Variants in NDST2 observed in about 807,000 individuals in gnomAD.
NDST2 encodes bifunctional heparan sulfate N-deacetylase/N-sulfotransferase 2.
Under a neutral mutation model 86.9 loss-of-function variants are expected in NDST2, and 32 were observed. The ratio of observed to expected loss-of-function variants is 0.37; its 90% CI spans 0.28 to 0.49. The LOEUF (loss-of-function observed/expected upper bound fraction) is 0.49. Among genes scored for constraint, NDST2 ranks in the 20% least tolerant of loss-of-function variants. NDST2 has a pLI of 0.97. For missense variants in NDST2, 950 were observed against 1,146.9 expected, an observed-to-expected ratio of 0.83 and a Z score of 2.48; for synonymous variants, 409 against 437.0, an observed-to-expected ratio of 0.94 and a Z score of 0.80.
chr10:73,804,970 G>C, intron 8 of NDST2, 101 bp from the exon 9 acceptor site: 1 of 601,122 alleles, frequency 1.7e-6, no homozygotes. Flanking sequence ...GCATGATCTC[G>C]GCTCACTGCA....
In NDST2 at chr10:73,806,197, G is replaced by T. The variant is rs547040412; in HGVS notation, c.1434+92C>A. The T allele has an allele frequency of 1.9e-6, 3 of 1,564,608 alleles. No individual in the cohort carries two copies. Among genetic ancestry groups the T allele is most frequent in the Non-Finnish European group, 2.6e-6 (3 of 1,139,840 alleles). On this transcript the variant is annotated intron_variant, in intron 6 of 14. Coordinates refer to ENST00000309979, the MANE Select transcript of NDST2 (RefSeq NM_003635.4). The surrounding 1 kb of genome is among the most constrained non-coding windows in gnomAD (Gnocchi z 4.5). ...CCCCAATTATGTACCCCCATACTTGGACTGGCAGTTGATAGAGAACATAGG... is the reference window on the plus strand; with the variant it reads ...CCCCAATTATGTACCCCCATACTTGTACTGGCAGTTGATAGAGAACATAGG...
In NDST2 at chr10:73,807,517, A is replaced by AG; in HGVS notation, c.871dup (p.Leu291ProfsTer5). On this transcript the variant is annotated frameshift_variant, in exon 3 of 15. Coordinates refer to ENST00000309979, the MANE Select transcript of NDST2 (RefSeq NM_003635.4). LOFTEE classifies it high-confidence loss of function. ...GTATGCAACAGCATCAACGAAGATA[A>AG]GTTTGTGGAGCCAGAAGGAAAGGCC... is the stretch of plus-strand genomic sequence containing the variant. 6.2e-7 allele frequency: 1 copy of AG among 1,614,210 alleles called. No homozygotes were observed. The highest frequency in any genetic ancestry group is 8.5e-7 in the Non-Finnish European group (1 of 1,180,034).
At position 73,806,502 on chromosome 10, in the gene NDST2, A is replaced by T; in HGVS notation, c.1249-28T>A. ...GGGAATGGCATAGACTCTCACCAGG[A>T]CCTGGTGAGGTTTGGGGAGTAGAGG... is the stretch of plus-strand genomic sequence containing the variant. On this transcript the variant is annotated intron_variant, in intron 5 of 14. Coordinates refer to ENST00000309979, the MANE Select transcript of NDST2 (RefSeq NM_003635.4). This position sits in a 1 kb window ranked among gnomAD's most constrained non-coding sequence, Gnocchi z 4.5. The T allele has an allele frequency of 1.3e-6, 2 of 1,560,666 alleles. No individual in the cohort carries two copies. The highest frequency in any genetic ancestry group is 1.7e-6 in the Non-Finnish European group (2 of 1,149,960).
In NDST2 at chr10:73,808,116, C is replaced by T; in HGVS notation, c.273G>A (p.Val91=). 1 of 1,614,226 alleles carries T rather than the reference C, an allele frequency of 6.2e-7. No individual in the cohort carries two copies. Among genetic ancestry groups the T allele is most frequent in the Non-Finnish European group, 8.5e-7 (1 of 1,180,042 alleles). Residue 91 remains valine (V), a synonymous_variant, in exon 3 of 15, where the codon GTG becomes GTA. Coordinates refer to ENST00000309979, the MANE Select transcript of NDST2 (RefSeq NM_003635.4). This position sits in a 1 kb window ranked among gnomAD's most constrained non-coding sequence, Gnocchi z 4.3. ...GCCCCAGCTGTGAGTATGCACTCTC[C>T]ACAAACACAAGGACCACGGGTTCAG... ...ARTEPVVLVF[V]ESAYSQLGQE...
chr10:73,808,445 A>G lies in NDST2; in HGVS notation c.-57T>C. 1 of 1,485,032 alleles carries G rather than the reference A, an allele frequency of 6.7e-7. No individual in the cohort carries two copies. The highest frequency in any genetic ancestry group is 9.1e-7 in the Non-Finnish European group (1 of 1,101,808). 92.0% of individuals were successfully genotyped at this position (1,485,032 alleles called of 1,614,324 possible). A position where few individuals can be genotyped will look rare whatever the true frequency, so the allele number is the denominator to read the frequency against. ...ACCACCTCAGGGGATGGGAGGTAGGAGTTCTATAGGCTAGGACTGTCTTGG... is the reference window on the plus strand; with the variant it reads ...ACCACCTCAGGGGATGGGAGGTAGGGGTTCTATAGGCTAGGACTGTCTTGG... On this transcript the variant is annotated 5_prime_UTR_variant, in exon 3 of 15. Coordinates refer to ENST00000309979, the MANE Select transcript of NDST2 (RefSeq NM_003635.4). The surrounding 1 kb of genome is among the most constrained non-coding windows in gnomAD (Gnocchi z 4.3).
In NDST2 at chr10:73,802,371, T is replaced by C. The variant is rs972206375; in HGVS notation, c.*80A>G. 14 of 1,563,542 alleles carry C rather than the reference T, an allele frequency of 9.0e-6. No homozygotes were observed. The Admixed American group carries it at 1.5e-4, about 17-fold the overall frequency. The stretch of plus-strand genomic sequence containing the variant: ...TAGAGGGGGAGGGGCCAGGCCACTC[T>C]AATCCCCCTTGTGGGCCCTGCTCTG... On this transcript the variant is annotated 3_prime_UTR_variant, in exon 15 of 15. Transcript: ENST00000309979.
At position 73,806,717 on chromosome 10, in the gene NDST2, G is replaced by C. The variant is rs775506030; in HGVS notation, c.1188C>G (p.His396Gln). 6.2e-7 allele frequency: 1 copy of C among 1,614,172 alleles called. No individual in the cohort carries two copies. The change falls in exon 5 of 15, where the codon CAC becomes CAG. Residue 396 changes from histidine to glutamine, a missense_variant. Physicochemically the swap from His to Gln is conservative, Grantham distance 24 (BLOSUM62 0). Coordinates refer to ENST00000309979, the MANE Select transcript of NDST2 (RefSeq NM_003635.4). The surrounding 1 kb of genome is among the most constrained non-coding windows in gnomAD (Gnocchi z 4.5). ...FPHMWSHMQP[H>Q]LFHNRSVLAD... ...CCAGCACGGAGCGATTGTGGAACAG[G>C]TGTGGCTGCATGTGGCTCCACATGT...
At position 73,802,183 on chromosome 10, in the gene NDST2, C is replaced by T. The variant is rs578141047; in HGVS notation, c.*268G>A. ...TTGGACTAATACATTCCCCTACACC[C>T]TGCCTGGACCCTCTCATTCCTCCCC... is the stretch of plus-strand genomic sequence containing the variant. On this transcript the variant is annotated 3_prime_UTR_variant, in exon 15 of 15. Transcript: ENST00000309979. 2.0e-4 allele frequency: 112 copies of T among 560,476 alleles called. No individual in the cohort carries two copies. The highest frequency in any genetic ancestry group is 3.2e-4 in the Non-Finnish European group (99 of 314,002). 34.7% of individuals were successfully genotyped at this position (560,476 alleles called of 1,614,324 possible). A position where few individuals can be genotyped will look rare whatever the true frequency, so the allele number is the denominator to read the frequency against.
In NDST2 at chr10:73,803,701, A is replaced by G. The variant is rs766160017; in HGVS notation, c.2015T>C (p.Leu672Pro). ...AAAGTAGGTGGCACTTTTTTCAAATAGGAAATCAGTGCTGGCATTGGAAGG... is the reference window on the plus strand; with the variant it reads ...AAAGTAGGTGGCACTTTTTTCAAATGGGAAATCAGTGCTGGCATTGGAAGG... ...PVPSNASTDF[L>P]FEKSATYFDS... The change falls in exon 11 of 15, where the codon CTA (leucine) becomes CCA (proline). Residue 672 changes from leucine (L) to proline (P), a missense_variant. Transcript: ENST00000309979. 3 of 1,614,032 alleles carry G rather than the reference A, an allele frequency of 1.9e-6. No homozygotes were observed. The Admixed American group carries it at 5.0e-5, about 27-fold the overall frequency.
In NDST2 at chr10:73,803,681, A is replaced by AG; in HGVS notation, c.2034dup (p.Tyr679LeufsTer3). 6.2e-7 allele frequency: 1 copy of AG among 1,614,156 alleles called. No homozygotes were observed. The highest frequency in any genetic ancestry group is 1.3e-5 in the African/African-American group (1 of 75,038). On this transcript the variant is annotated frameshift_variant, in exon 11 of 15. Coordinates refer to ENST00000309979, the MANE Select transcript of NDST2 (RefSeq NM_003635.4). LOFTEE classifies it high-confidence loss of function. ...CGTGGTACAACTTCAGAGTCAAAGT[A>AG]GGTGGCACTTTTTTCAAATAGGAAA...
Position 73,803,349 on chromosome 10 carries a change from G to A in NDST2, c.2153C>T (p.Ala718Val). Residue 718 changes from alanine (A) to valine (V), a missense_variant, in exon 12 of 15, where the codon GCC becomes GTC. Transcript: ENST00000309979. Reference protein sequence around the residue: ...RAYSWYQHQRAHGDPVALNYT... With the variant: ...RAYSWYQHQRVHGDPVALNYT... ...GTTCAGAGCAACTGGGTCTCCATGG[G>A]CTCGCTGATGCTGAAGGACAAAGAG... 6.2e-7 allele frequency: 1 copy of A among 1,614,188 alleles called. No homozygotes were observed. The highest frequency in any genetic ancestry group is 1.1e-5 in the South Asian group (1 of 91,090).
chr10:73,808,637 G>C lies in NDST2; in HGVS notation c.-249C>G, dbSNP rs2084149627. ...GGTCACCATGGCCCCCTGGCCCATGGCTTCAGGCTGCAAATCTTGCCAGGC... is the reference window on the plus strand; with the variant it reads ...GGTCACCATGGCCCCCTGGCCCATGCCTTCAGGCTGCAAATCTTGCCAGGC... On this transcript the variant is annotated 5_prime_UTR_variant, in exon 3 of 15. Transcript: ENST00000309979. This position sits in a 1 kb window ranked among gnomAD's most constrained non-coding sequence, Gnocchi z 4.3. The C allele has an allele frequency of 2.3e-6, 1 of 441,646 alleles. No homozygotes were observed. The highest frequency in any genetic ancestry group is 4.7e-5 in the South Asian group (1 of 21,208). 27.4% of individuals were successfully genotyped at this position (441,646 alleles called of 1,614,324 possible).
At position 73,811,481 on chromosome 10, in the gene NDST2, A is replaced by C. The variant is rs2084266060; in HGVS notation, c.-454T>G. 1 of 151,532 alleles carries C rather than the reference A, an allele frequency of 6.6e-6. No homozygotes were observed. Among genetic ancestry groups the C allele is most frequent in the Non-Finnish European group, 1.5e-5 (1 of 67,888 alleles). The allele number at this position is 151,532 out of a possible 1,614,324, so 9.4% of individuals were successfully genotyped here. A position where few individuals can be genotyped will look rare whatever the true frequency, so the allele number is the denominator to read the frequency against. On this transcript the variant is annotated 5_prime_UTR_variant, in exon 1 of 15. Transcript: ENST00000309979. ...TCCTCAGGGGCGGCTCACCCGGAGGACTGGGCGGCGTCCCCGCTGTCCCCG... is the reference window on the plus strand; with the variant it reads ...TCCTCAGGGGCGGCTCACCCGGAGGCCTGGGCGGCGTCCCCGCTGTCCCCG...
In NDST2 at chr10:73,808,205, C is replaced by T. The variant is rs2132874560; in HGVS notation, c.184G>A (p.Gly62Ser). 6.2e-7 allele frequency: 1 copy of T among 1,613,544 alleles called. No individual in the cohort carries two copies. Among genetic ancestry groups the T allele is most frequent in the Non-Finnish European group, 8.5e-7 (1 of 1,179,726 alleles). ...LGDCSSGGAA[G>S]PGPARPPVPP... ...ACTGGAGGCCGTGCAGGGCCAGGACCAGCTGCCCCACCGCTGCTGCAGTCT... is the reference window on the plus strand; with the variant it reads ...ACTGGAGGCCGTGCAGGGCCAGGACTAGCTGCCCCACCGCTGCTGCAGTCT... The change falls in exon 3 of 15, where the codon GGT (glycine) becomes AGT (serine). Residue 62 changes from glycine (G) to serine (S), a missense_variant. Physicochemically the swap from Gly to Ser is moderately conservative, Grantham distance 56 (BLOSUM62 0). Around this residue, in one of 5 missense-constraint regions of NDST2, gnomAD observed 586 missense variants for 714.0 expected, o/e 0.82. Coordinates refer to ENST00000309979, the MANE Select transcript of NDST2 (RefSeq NM_003635.4). This position sits in a 1 kb window ranked among gnomAD's most constrained non-coding sequence, Gnocchi z 4.3.
intron 4 of NDST2, 97 bp downstream of exon 4, chr10:73,807,011 C>T (rs532844644): frequency 6.9e-7 from 1 of 1,454,504 alleles, no homozygotes; most frequent in Non-Finnish European, 9.6e-7. Flanking sequence ...TGACCCCAAA[C>T]CTTGACCCTT....
chr10:73,803,474 A>T, intron 11 of NDST2, 100 bp downstream of exon 11: 3 of 1,518,114 alleles, frequency 2.0e-6, no homozygotes, highest in Non-Finnish European at 1.8e-6. Flanking sequence ...GGCACTAGTT[A>T]AGTTTCTCAA....
At chr10:73,805,001 A>G (rs979034289) in intron 8 of NDST2, 132 bp from the exon 9 acceptor site, 84 of 519,790 alleles carry the variant, frequency 1.6e-4, no homozygotes, top group African/African-American at 1.5e-3. Context: ...CCTGGGTTCA[A>G]GCAATTCTCT....
rs1327043315 is a variant in NDST2 at position 73,806,839 on chromosome 10, C to T, written c.1094-28G>A. On this transcript the variant is annotated intron_variant, in intron 4 of 14. Transcript: ENST00000309979. This position sits in a 1 kb window ranked among gnomAD's most constrained non-coding sequence, Gnocchi z 4.5. ...ATGACCACACGCTGACCACTGACCA[C>T]AGCCAGTCAGCCCCTGTTCCCTCCT... 2 of 1,606,830 alleles carry T rather than the reference C, an allele frequency of 1.2e-6. No individual in the cohort carries two copies. The highest frequency in any genetic ancestry group is 2.2e-5 in the East Asian group (1 of 44,662).
Position 73,803,924 on chromosome 10 carries a change from T to C in NDST2, c.1936A>G (p.Asn646Asp). ...PSTFEEIQFF[N>D]SPNYHKGIDW... The stretch of plus-strand genomic sequence containing the variant: ...ATACCCTTGTGGTAATTAGGGCTGT[T>C]GAAGAACTGAATCTCCTCAAATGTG... The change falls in exon 10 of 15, where the codon AAC (asparagine) becomes GAC (aspartate). Residue 646 changes from asparagine to aspartate, a missense_variant. Coordinates refer to ENST00000309979, the MANE Select transcript of NDST2 (RefSeq NM_003635.4). The C allele has an allele frequency of 6.2e-7, 1 of 1,614,158 alleles. No homozygotes were observed. The highest frequency in any genetic ancestry group is 8.5e-7 in the Non-Finnish European group (1 of 1,180,042).
Sources: allele counts gnomAD v4.1 joint callset, GRCh38; gene constraint gnomAD v4.1.1; regional missense constraint gnomAD v4.1.1; non-coding constraint Gnocchi (gnomAD v3.1); transcripts MANE v1.5; gene names NCBI Gene and HGNC (gene_info 2026-07-23, HGNC 2026-07-21).